The following TBC1D28 variants were observed in gnomAD, a reference collection of about 807,000 sequenced individuals.
TBC1D28 encodes TBC1 domain family member 28, also known as TBC1 domain family, member 28.
In TBC1D28, 20 loss-of-function variants were observed where a neutral mutation model predicts 29.2. That is an observed-to-expected ratio of 0.68 (90% CI 0.48 to 0.99). TBC1D28 has a LOEUF of 0.99. TBC1D28 is among the 50% of genes least tolerant of loss of function. TBC1D28 has a pLI of 0.00. For synonymous variants in TBC1D28, 65 were observed against 90.9 expected, an observed-to-expected ratio of 0.71 and a Z score of 1.62; for missense variants, 205 against 243.7, an observed-to-expected ratio of 0.84 and a Z score of 1.06.
At chr17:18,644,133 C>T (rs1291665280), upstream of TBC1D28, among the ~76,000 whole-genome samples, 4 of 151,758 alleles carry the variant, frequency 2.6e-5, no homozygotes, top group Non-Finnish European at 4.4e-5. Flanking sequence ...TCGGGGACAG[C>T]ACCCACCCCA....
At chr17:18,638,743 G>T in intron 5 of TBC1D28, 42 bp from the exon 7 acceptor site, 3 of 1,613,580 alleles carry the variant, frequency 1.9e-6, no homozygotes, top group Non-Finnish European at 2.5e-6. Context: ...GCTGTCAGTC[G>T]TCTGACAGTG....
exon 9 of TBC1D28, chr17:18,635,817 C>T (rs1597478929): frequency 1.9e-5 from 19 of 986,860 alleles, no homozygotes; most frequent in Non-Finnish European, 2.2e-5. Flanking sequence ...ACGCCAACCA[C>T]GCTCCTCTGA....
chr17:18,638,450 A>C, intron 6 of TBC1D28, 30 bp from the exon 8 acceptor site: 2 of 1,613,480 alleles, frequency 1.2e-6, no homozygotes, highest in Non-Finnish European at 1.7e-6. Context: ...CCAGTGAGAA[A>C]GGACATGGGG....
chr17:18,636,587 A>C (rs2031510476), exon 9 of TBC1D28: 1 of 1,612,624 alleles, frequency 6.2e-7, no homozygotes, highest in Admixed American at 1.7e-5. Context: ...ATGTCACATA[A>C]TTCCTGCTGC....
exon 9 of TBC1D28, chr17:18,636,447 A>C (rs761226219): frequency 4.3e-6 from 7 of 1,612,282 alleles, no homozygotes. Flanking sequence ...GTCCTGGTGG[A>C]CAAACGCTGA....
intron 4 of TBC1D28, among the ~76,000 whole-genome samples, chr17:18,640,093 G>C (rs2031693565): frequency 6.6e-6 from 1 of 150,848 alleles, no homozygotes; most frequent in South Asian, 2.1e-4. Context: ...ATGCTTGGCT[G>C]TCCTCCCCTA....
intron 5 of TBC1D28, 146 bp downstream of exon 6, chr17:18,639,029 A>G: frequency 7.7e-7 from 1 of 1,303,282 alleles, no homozygotes; most frequent in Non-Finnish European, 1.1e-6. Flanking sequence ...ATGGGAACAG[A>G]GTCCAGCAGG....
chr17:18,638,801 C>T, intron 5 of TBC1D28, 100 bp from the exon 7 acceptor site: 2 of 1,475,756 alleles, frequency 1.4e-6, no homozygotes, highest in South Asian at 1.2e-5. Flanking sequence ...AGGGACCCAA[C>T]CTGAAGAAGC....
At chr17:18,638,280 G>T in intron 7 of TBC1D28, 33 bp downstream of exon 8, 1 of 1,609,080 alleles carries the variant, frequency 6.2e-7, no homozygotes, top group Non-Finnish European at 8.5e-7. Context: ...TAGCTTGTTT[G>T]TACTGCCCTA....
upstream of TBC1D28, chr17:18,643,068 G>T (rs1302930666): frequency 6.6e-6 from 1 of 152,256 alleles, no homozygotes; most frequent in Non-Finnish European, 1.5e-5. Flanking sequence ...CCACTTACAT[G>T]TGCACCCAAG....
chr17:18,638,758 G>C (rs529630104), intron 5 of TBC1D28, 57 bp from the exon 7 acceptor site: 33 of 1,611,340 alleles, frequency 2.0e-5, no homozygotes, highest in Middle Eastern at 3.3e-4. Flanking sequence ...ACAGTGGCCC[G>C]TGGATGCTGG....
chr17:18,638,841 C>A, intron 5 of TBC1D28, 140 bp from the exon 7 acceptor site: 1 of 1,074,532 alleles, frequency 9.3e-7, no homozygotes. Flanking sequence ...GGGGCTGAGA[C>A]CCTCTGAAGG....
At chr17:18,640,339 C>T (rs76611034) in intron 4 of TBC1D28, among the ~76,000 whole-genome samples, 77,498 of 134,980 alleles carry the variant, frequency 0.57, 23,091 homozygotes, top group East Asian at 0.94. Context: ...TGGCAGGTCT[C>T]AGGGGCTCAC....
At position 18,638,051 on chromosome 17, in the gene TBC1D28, C is replaced by A. The variant is rs1322220972; in HGVS notation, c.388-78G>T. The A allele has an allele frequency of 1.0e-5, 16 of 1,542,396 alleles. No individual in the cohort carries two copies. The African/African-American group carries it at 1.6e-4, about 16-fold the overall frequency. ...CCTGCCCCAAACGGCAGTCATCCCA[C>A]AGTCAGCACTTCTGGAAGGAAGGAA... On this transcript the variant is annotated intron_variant, in intron 7 of 8. Coordinates refer to ENST00000345096, the Ensembl canonical transcript of TBC1D28.
At chr17:18,639,199 G>T in exon 5 of TBC1D28, 1 of 1,612,410 alleles carries the variant, frequency 6.2e-7, no homozygotes, top group East Asian at 2.2e-5. Context: ...CACTGACGCG[G>T]GGCAGCTCCA....
exon 7 of TBC1D28, chr17:18,638,345 T>C: frequency 6.2e-7 from 1 of 1,614,254 alleles, no homozygotes; most frequent in South Asian, 1.1e-5. Flanking sequence ...GACTTGATTT[T>C]GTCAATATCT....
At chr17:18,640,758 C>A (rs2031724671) in intron 4 of TBC1D28, among the ~76,000 whole-genome samples, 1 of 110,030 alleles carries the variant, frequency 9.1e-6, no homozygotes, top group East Asian at 5.6e-4. Flanking sequence ...TACTTGGAGA[C>A]CACAGTGCTG....
At chr17:18,635,960 G>C (rs543823881) in exon 9 of TBC1D28, 38 of 991,500 alleles carry the variant, frequency 3.8e-5, no homozygotes, top group African/African-American at 5.2e-5. Flanking sequence ...AACTGGCCAC[G>C]GTCCTGCAAC....
exon 6 of TBC1D28, chr17:18,638,660 C>T: frequency 6.2e-7 from 1 of 1,614,154 alleles, no homozygotes; most frequent in Non-Finnish European, 8.5e-7. Context: ...CTGCAAGCAT[C>T]TTTTGCCACT....
Sources: allele counts gnomAD v4.1 joint callset (sites outside exome capture counted in the v4.1 genomes callset), GRCh38; gene constraint gnomAD v4.1.1; transcripts MANE v1.5; gene names NCBI Gene and HGNC (gene_info 2026-07-23, HGNC 2026-07-21).